Variants in EPHB1 observed in about 807,000 individuals in gnomAD.
EPHB1 encodes the protein EPH receptor B1, also known as ephrin type-B receptor 1.
A neutral mutation model predicts 94.4 loss-of-function variants in EPHB1; 30 were observed. The ratio of observed to expected loss-of-function variants is 0.32; its 90% CI spans 0.24 to 0.43. EPHB1 has a LOEUF of 0.43. EPHB1 is among the 20% of genes least tolerant of loss of function. The pLI, the probability that EPHB1 is intolerant of heterozygous loss-of-function variation, is 1.00. For synonymous variants in EPHB1, 522 were observed against 489.1 expected, an observed-to-expected ratio of 1.07 and a Z score of -0.89; for missense variants, 1,055 against 1,308.3, an observed-to-expected ratio of 0.81 and a Z score of 2.99.
chr3:134,978,658 G>C (rs995123559), intron 3 of EPHB1, among the ~76,000 whole-genome samples: 1 of 152,192 alleles, frequency 6.6e-6, no homozygotes, highest in Non-Finnish European at 1.5e-5. Context: ...TCTGTAGTAG[G>C]CCTTGCTTCA....
chr3:134,890,897 A>G (rs761246373), intron 1 of EPHB1, among the ~76,000 whole-genome samples: 8 of 152,180 alleles, frequency 5.3e-5, no homozygotes, highest in Non-Finnish European at 8.8e-5. Context: ...TGCTTTCTAT[A>G]TATGACTTTA....
intron 3 of EPHB1, among the ~76,000 whole-genome samples, chr3:134,959,402 C>T (rs1272490958): frequency 6.6e-6 from 1 of 152,202 alleles, no homozygotes; most frequent in Non-Finnish European, 1.5e-5. Context: ...CTATCTGCCT[C>T]CACTTCTGAG....
At chr3:134,966,036 G>A (rs1933731004) in intron 3 of EPHB1, among the ~76,000 whole-genome samples, 1 of 152,194 alleles carries the variant, frequency 6.6e-6, no homozygotes, top group African/African-American at 2.4e-5. Context: ...GAGCTCTGTA[G>A]ACAGAAGCTG....
At chr3:134,799,332 CATGA>C (rs2035891157) in intron 1 of EPHB1, among the ~76,000 whole-genome samples, 1 of 152,144 alleles carries the variant, frequency 6.6e-6, no homozygotes, top group Non-Finnish European at 1.5e-5. Flanking sequence ...TTTTGGTGTC[CATGA>C]ACGTGCTTGA....
chr3:134,998,991 C>T (rs547487717), intron 3 of EPHB1, among the ~76,000 whole-genome samples: 1 of 152,062 alleles, frequency 6.6e-6, no homozygotes, highest in Admixed American at 6.6e-5. Context: ...AGAGCAGAGC[C>T]GGAAGCACAA....
intron 4 of EPHB1, among the ~76,000 whole-genome samples, chr3:135,123,891 ATTGG>A (rs1940085693): frequency 6.6e-6 from 1 of 151,386 alleles, no homozygotes; most frequent in Non-Finnish European, 1.5e-5. Flanking sequence ...TGTCCTCCTG[ATTGG>A]TCTACCTTCT....
At position 135,106,622 on chromosome 3, in the gene EPHB1, C is replaced by G; in HGVS notation, c.961+19C>G. On this transcript the variant is annotated intron_variant, in intron 4 of 15. Transcript: ENST00000398015. ...TGCACTAGTAAGTGTCTAGTAATGG[C>G]TCTGGGCTGGGGAGTTTGGTTCCCT... The G allele has an allele frequency of 6.2e-7, 1 of 1,613,066 alleles. No individual in the cohort carries two copies. Among genetic ancestry groups the G allele is most frequent in the Non-Finnish European group, 8.5e-7 (1 of 1,179,142 alleles).
chr3:135,099,931 G>A (rs536615952), intron 3 of EPHB1, among the ~76,000 whole-genome samples: 2 of 152,292 alleles, frequency 1.3e-5, no homozygotes, highest in African/African-American at 4.8e-5. Context: ...CATGTACCTT[G>A]CCTCTCTCCC....
At chr3:135,016,209 G>C (rs1935791804) in intron 3 of EPHB1, among the ~76,000 whole-genome samples, 1 of 152,312 alleles carries the variant, frequency 6.6e-6, no homozygotes, top group South Asian at 2.1e-4. Context: ...AAGAAGCAAG[G>C]TTTGGGTCAC....
chr3:135,017,161 T>C (rs879754295), intron 3 of EPHB1, among the ~76,000 whole-genome samples: 4 of 152,206 alleles, frequency 2.6e-5, no homozygotes, highest in Non-Finnish European at 5.9e-5. Flanking sequence ...TGTGTGCAAG[T>C]GCAGGGTCTG....
chr3:134,802,876 T>C (rs916022036), intron 1 of EPHB1, among the ~76,000 whole-genome samples: 1 of 152,212 alleles, frequency 6.6e-6, no homozygotes, highest in African/African-American at 2.4e-5. Context: ...TGTGGGAGGA[T>C]GCCCAAAGCT....
At chr3:134,813,792 A>G (rs946039092) in intron 1 of EPHB1, among the ~76,000 whole-genome samples, 1 of 152,196 alleles carries the variant, frequency 6.6e-6, no homozygotes, top group Non-Finnish European at 1.5e-5. Flanking sequence ...TTGCATGATG[A>G]CAATCAGTGA....
At chr3:134,928,584 G>C (rs2038842109) in intron 2 of EPHB1, among the ~76,000 whole-genome samples, 1 of 152,160 alleles carries the variant, frequency 6.6e-6, no homozygotes, top group South Asian at 2.1e-4. Context: ...AGTATGCTTG[G>C]GTGGGAAGAG....
chr3:135,248,173 A>G (rs1943973161), intron 13 of EPHB1, 143 bp from the exon 14 acceptor site: 1 of 683,862 alleles, frequency 1.5e-6, no homozygotes, highest in Non-Finnish European at 2.2e-6. Flanking sequence ...CAGAAAATCC[A>G]TTACAGCGGA....
At chr3:135,212,534 G>T (rs561785923) in intron 12 of EPHB1, among the ~76,000 whole-genome samples, 1 of 152,140 alleles carries the variant, frequency 6.6e-6, no homozygotes, top group Admixed American at 6.5e-5. Flanking sequence ...TTTTCAATCC[G>T]TCTTATACAT....
intron 15 of EPHB1, among the ~76,000 whole-genome samples, chr3:135,256,894 T>C (rs1000258217): frequency 4.7e-5 from 7 of 149,428 alleles, no homozygotes; most frequent in South Asian, 4.3e-4. Flanking sequence ...AGTCCCATAT[T>C]TCTTGGAGGC....
At chr3:134,809,768 G>A (rs1371302105) in intron 1 of EPHB1, among the ~76,000 whole-genome samples, 1 of 152,160 alleles carries the variant, frequency 6.6e-6, no homozygotes, top group Non-Finnish European at 1.5e-5. Context: ...AGACTTCTGA[G>A]CAACCCTCGC....
At chr3:135,020,429 C>T (rs529034578) in intron 3 of EPHB1, among the ~76,000 whole-genome samples, 4 of 152,334 alleles carry the variant, frequency 2.6e-5, no homozygotes, top group African/African-American at 9.6e-5. Flanking sequence ...CCCCATTTCA[C>T]TTCAACTCCT....
intron 4 of EPHB1, among the ~76,000 whole-genome samples, chr3:135,127,096 A>T (rs1030805832): frequency 1.8e-4 from 27 of 152,238 alleles, no homozygotes; most frequent in African/African-American, 6.0e-4. Context: ...CTTTCAGATA[A>T]GGAAACTGAG....
Sources: gnomAD v4.1 joint callset for allele counts (sites outside exome capture counted in the v4.1 genomes callset) on GRCh38, gnomAD v4.1.1 for gene constraint, MANE v1.5 for transcripts, NCBI Gene and HGNC (gene_info 2026-07-23, HGNC 2026-07-21) for gene names.